Variants in EVC2 observed in about 807,000 individuals in gnomAD.
EVC2 encodes limbin.
EVC2 carries 148 observed loss-of-function variants against 149.3 expected under a neutral mutation model. The observed-to-expected ratio is 0.99, with a 90% CI of 0.87 to 1.14. The LOEUF is 1.14. Ranked by LOEUF, EVC2 falls within the 50% of genes most tolerant of loss-of-function variation. The pLI, the probability that EVC2 is intolerant of heterozygous loss-of-function variation, is 0.00. For missense variants in EVC2, 1,854 were observed against 1,627.3 expected (o/e 1.14, Z -2.40); for synonymous variants, 776 against 649.9 (o/e 1.19, Z -2.95).
chr4:5,596,856 C>T (rs139049486), intron 16 of EVC2, among the ~76,000 whole-genome samples: 1 of 152,034 alleles, frequency 6.6e-6, no homozygotes, highest in Non-Finnish European at 1.5e-5. Flanking sequence ...GAATCAAATA[C>T]ACGCAATAAA....
intron 9 of EVC2, among the ~76,000 whole-genome samples, chr4:5,646,298 T>C (rs1289058898): frequency 6.6e-6 from 1 of 152,206 alleles, no homozygotes; most frequent in African/African-American, 2.4e-5. Flanking sequence ...TGGTTTTGAT[T>C]TGCATTTCCC....
At chr4:5,604,368 G>C (rs1016128646) in intron 16 of EVC2, among the ~76,000 whole-genome samples, 3 of 152,150 alleles carry the variant, frequency 2.0e-5, no homozygotes, top group Non-Finnish European at 4.4e-5. Context: ...GAATAACACG[G>C]GTTTGAATTG....
chr4:5,708,655 G>A (rs1267050774), upstream of EVC2: 2 of 579,126 alleles, frequency 3.5e-6, no homozygotes, highest in Non-Finnish European at 5.5e-6. Flanking sequence ...CGCATCTGGG[G>A]CTTGGCGGGC....
At chr4:5,556,939 C>A (rs893411809) in intron 21 of EVC2, among the ~76,000 whole-genome samples, 2 of 151,934 alleles carry the variant, frequency 1.3e-5, no homozygotes, top group African/African-American at 4.8e-5. Flanking sequence ...TAATTGGTAC[C>A]CTTCCAAGAA....
chr4:5,618,387 G>T lies in EVC2; in HGVS notation c.2706+91C>A. On this transcript the variant is annotated intron_variant, in intron 15 of 21. Transcript: ENST00000344408. This position sits in a 1 kb window ranked among gnomAD's most constrained non-coding sequence, Gnocchi z 4.4. ...GATAGGGGAGCATGAGGTGAGATGG[G>T]CTCAGGCTGGGGAAGAGGCCAGACC... 6.9e-7 allele frequency: 1 copy of T among 1,440,580 alleles called. No individual in the cohort carries two copies. The highest frequency in any genetic ancestry group is 9.7e-7 in the Non-Finnish European group (1 of 1,030,770). 89.2% of individuals were successfully genotyped at this position (1,440,580 alleles called of 1,614,324 possible). A position where few individuals can be genotyped will look rare whatever the true frequency, so the allele number is the denominator to read the frequency against.
At chr4:5,676,654 C>T (rs1044733086) in intron 7 of EVC2, among the ~76,000 whole-genome samples, 24 of 152,156 alleles carry the variant, frequency 1.6e-4, no homozygotes, top group African/African-American at 5.8e-4. Flanking sequence ...GTCAGATGTT[C>T]AGCTGCCCCT....
At chr4:5,601,357 G>GT (rs1034449909) in intron 16 of EVC2, among the ~76,000 whole-genome samples, 1 of 152,142 alleles carries the variant, frequency 6.6e-6, no homozygotes, top group African/African-American at 2.4e-5. Context: ...ATAAGAGAAT[G>GT]TTTTTTCTTT....
chr4:5,646,714 A>C (rs1489680441), intron 9 of EVC2, among the ~76,000 whole-genome samples: 2 of 152,192 alleles, frequency 1.3e-5, no homozygotes, highest in African/African-American at 4.8e-5. Flanking sequence ...GTTATGTTTT[A>C]GCATGAGGCC....
At chr4:5,631,570 G>T (rs182840854) in intron 11 of EVC2, among the ~76,000 whole-genome samples, 43 of 151,346 alleles carry the variant, frequency 2.8e-4, no homozygotes, top group African/African-American at 8.7e-4. Flanking sequence ...AGTAGACTGG[G>T]GGGGGGAACT....
chr4:5,573,991 C>T (rs1381165348), intron 19 of EVC2, among the ~76,000 whole-genome samples: 1 of 152,212 alleles, frequency 6.6e-6, no homozygotes, highest in Non-Finnish European at 1.5e-5. Context: ...GTTATTGCAG[C>T]TGGAACTGTG....
downstream of EVC2, among the ~76,000 whole-genome samples, chr4:5,541,078 C>T (rs183343073): frequency 1.2e-4 from 18 of 152,260 alleles, no homozygotes; most frequent in East Asian, 5.8e-4. Flanking sequence ...TGGCCTTTTC[C>T]GACAGCAGAG....
At chr4:5,570,627 C>T (rs1254519516) in intron 19 of EVC2, among the ~76,000 whole-genome samples, 1 of 152,146 alleles carries the variant, frequency 6.6e-6, no homozygotes, top group Non-Finnish European at 1.5e-5. Flanking sequence ...CCATTCGATC[C>T]AGCAGTCCCA....
In EVC2 at chr4:5,685,362, G is replaced by A; in HGVS notation, c.816+8C>T. 6.2e-7 allele frequency: 1 copy of A among 1,613,430 alleles called. No homozygotes were observed. Among genetic ancestry groups the A allele is most frequent in the African/African-American group, 1.3e-5 (1 of 75,038 alleles). On this transcript the variant is annotated splice_region_variant and intron_variant, in intron 6 of 21. Coordinates refer to ENST00000344408, the MANE Select transcript of EVC2 (RefSeq NM_147127.5). ...GCAAGACAGAGATTAAAGTAACAAA[G>A]GTCATACCCGTGACGAGCTCTGAAA...
At chr4:5,700,283 A>G (rs1721746136) in intron 1 of EVC2, among the ~76,000 whole-genome samples, 2 of 152,222 alleles carry the variant, frequency 1.3e-5, no homozygotes, top group Admixed American at 1.3e-4. Context: ...ACAGTCTATT[A>G]CTTAACAAAT....
At chr4:5,681,193 A>G in intron 7 of EVC2, 67 bp downstream of exon 7, 1 of 1,581,458 alleles carries the variant, frequency 6.3e-7, no homozygotes, top group East Asian at 2.2e-5. Flanking sequence ...CATGGCTCCA[A>G]GGACAGGCAG....
At chr4:5,580,963 T>C (rs1300165014) in intron 17 of EVC2, among the ~76,000 whole-genome samples, 2 of 152,172 alleles carry the variant, frequency 1.3e-5, no homozygotes, top group Non-Finnish European at 2.9e-5. Context: ...TAAAACTGTG[T>C]AGCACCTCCT....
At position 5,670,568 on chromosome 4, in the gene EVC2, T is replaced by C. The variant is rs547704851; in HGVS notation, c.871-4919A>G. On this transcript the variant is annotated intron_variant, in intron 7 of 21. Coordinates refer to ENST00000344408, the MANE Select transcript of EVC2 (RefSeq NM_147127.5). This position sits in a 1 kb window ranked among gnomAD's most constrained non-coding sequence, Gnocchi z 5.2. ...ATCACCATCATCTTCACATTGGCCA[T>C]CACCACCATCACTATCAACATCATC... Among the ~76,000 whole-genome samples the C allele has an allele frequency of 5.9e-5, 9 of 151,672 alleles. No homozygotes were observed. The East Asian group carries it at 1.8e-3, about 29-fold the overall frequency.
chr4:5,551,654 T>C lies in EVC2; in HGVS notation c.3420-8442A>G, dbSNP rs567648292. 2.0e-5 allele frequency among the ~76,000 whole-genome samples: 3 copies of C among 152,256 alleles called. No homozygotes were observed. In the East Asian group the frequency reaches 5.8e-4, roughly 29 times the overall value. On this transcript the variant is annotated intron_variant and NMD_transcript_variant, in intron 21 of 22. Transcript: ENST00000475313. Reference sequence around the variant, plus strand: ...GGGACTTTTGGGAAGGCATGATTGATTTTGAAATGTGAGAACATGAGATTA... The same window carrying C: ...GGGACTTTTGGGAAGGCATGATTGACTTTGAAATGTGAGAACATGAGATTA...
At chr4:5,589,384 T>C (rs1177431641) in intron 16 of EVC2, among the ~76,000 whole-genome samples, 3 of 152,208 alleles carry the variant, frequency 2.0e-5, no homozygotes, top group Non-Finnish European at 4.4e-5. Flanking sequence ...GTCTTTCCCC[T>C]AGCTTTGAGC....
Sources: gnomAD v4.1 joint callset for allele counts (sites outside exome capture counted in the v4.1 genomes callset) on GRCh38, gnomAD v4.1.1 for gene constraint, Gnocchi (gnomAD v3.1) non-coding constraint, MANE v1.5 for transcripts, NCBI Gene and HGNC (gene_info 2026-07-23, HGNC 2026-07-21) for gene names.